BMAL1: variants seen among roughly 807,000 people sequenced by gnomAD.
BMAL1 encodes basic helix-loop-helix ARNT like 1.
the BMAL1 span, among the ~76,000 whole-genome samples, chr11:13,284,200 A>G: frequency 3.0e-4 from 10 of 33,320 alleles, no homozygotes; most frequent in African/African-American, 1.0e-3. Context: ...ATATGTGTGT[A>G]TATATATATG....
chr11:13,338,639 A>G, the BMAL1 span, among the ~76,000 whole-genome samples: 1 of 152,200 alleles, frequency 6.6e-6, no homozygotes, highest in East Asian at 1.9e-4. Flanking sequence ...TGAGTCACTG[A>G]AGCAATAGAG....
At chr11:13,352,985 A>ATGC in the BMAL1 span, among the ~76,000 whole-genome samples, 6 of 152,236 alleles carry the variant, frequency 3.9e-5, no homozygotes, top group Non-Finnish European at 8.8e-5. Context: ...GGTTTGCTTA[A>ATGC]TGCTTTTAAA....
chr11:13,374,273 C>T, the BMAL1 span: 2 of 1,380,248 alleles, frequency 1.4e-6, no homozygotes, highest in East Asian at 2.3e-5. Flanking sequence ...ACATGACCTT[C>T]CAGGGAAATC....
At chr11:13,328,871 A>T in the BMAL1 span, among the ~76,000 whole-genome samples, 1 of 152,160 alleles carries the variant, frequency 6.6e-6, no homozygotes, top group Non-Finnish European at 1.5e-5. Context: ...GGCAAAACAC[A>T]CGCCCTCTCT....
chr11:13,366,536 C>T, the BMAL1 span: 1 of 813,128 alleles, frequency 1.2e-6, no homozygotes, highest in Non-Finnish European at 2.0e-6. Context: ...TACAGGTTCA[C>T]ATAGGAAAAG....
chr11:13,361,178 G>A, the BMAL1 span, among the ~76,000 whole-genome samples: 28 of 152,242 alleles, frequency 1.8e-4, no homozygotes, highest in Non-Finnish European at 2.6e-4. Context: ...GCTTTCACCT[G>A]CTTGACTTGA....
chr11:13,378,513 G>A, the BMAL1 span: 3 of 1,550,814 alleles, frequency 1.9e-6, no homozygotes, highest in Admixed American at 2.0e-5. Flanking sequence ...TTTTCCCCCA[G>A]GCAATATTTT....
At chr11:13,278,719 C>T in the BMAL1 span, among the ~76,000 whole-genome samples, 4 of 152,232 alleles carry the variant, frequency 2.6e-5, no homozygotes, top group Admixed American at 6.5e-5. Context: ...GGATGTCGCC[C>T]GGAGCCCGGG....
the BMAL1 span, among the ~76,000 whole-genome samples, chr11:13,289,693 C>G: frequency 2.0e-5 from 3 of 152,174 alleles, no homozygotes; most frequent in Non-Finnish European, 2.9e-5. Context: ...TCATCCATGT[C>G]CCTGCAAAGA....
At chr11:13,369,035 C>T in the BMAL1 span, among the ~76,000 whole-genome samples, 1 of 152,196 alleles carries the variant, frequency 6.6e-6, no homozygotes, top group Non-Finnish European at 1.5e-5. Context: ...TCAGTACCTG[C>T]ATGCAGCTAG....
the BMAL1 span, among the ~76,000 whole-genome samples, chr11:13,346,049 A>G: frequency 1.3e-5 from 2 of 152,220 alleles, no homozygotes; most frequent in East Asian, 3.8e-4. Flanking sequence ...CAACCTCAAC[A>G]TCTCAGTGGC....
the BMAL1 span, among the ~76,000 whole-genome samples, chr11:13,359,519 A>C: frequency 6.6e-6 from 1 of 152,230 alleles, no homozygotes; most frequent in Admixed American, 6.5e-5. Flanking sequence ...ATTTCTATTA[A>C]ATTGGAAAAA....
the BMAL1 span, chr11:13,378,555 A>T: frequency 1.4e-6 from 2 of 1,455,834 alleles, no homozygotes; most frequent in Admixed American, 4.4e-5. Context: ...GGTCTTCACA[A>T]CTGGGTGGGA....
At chr11:13,331,904 C>T in the BMAL1 span, among the ~76,000 whole-genome samples, 4 of 152,136 alleles carry the variant, frequency 2.6e-5, no homozygotes, top group African/African-American at 9.7e-5. Context: ...GGAGAAGTCA[C>T]CTGTTGGGAT....
the BMAL1 span, among the ~76,000 whole-genome samples, chr11:13,335,391 G>A: frequency 0.013 from 1,988 of 152,214 alleles, 26 homozygotes; most frequent in Non-Finnish European, 0.017. Flanking sequence ...GCCTCTTTTT[G>A]TCTGTAGAAA....
chr11:13,321,162 CT>C, the BMAL1 span, among the ~76,000 whole-genome samples: 11 of 152,170 alleles, frequency 7.2e-5, no homozygotes, highest in Admixed American at 7.2e-4. Flanking sequence ...TTTCTTTATA[CT>C]TTAGTAAGTC....
the BMAL1 span, among the ~76,000 whole-genome samples, chr11:13,331,567 C>A: frequency 6.6e-6 from 1 of 152,320 alleles, no homozygotes; most frequent in South Asian, 2.1e-4. Flanking sequence ...CCCTGGAGTA[C>A]CCTGCCCTTT....
chr11:13,333,466 T>C, the BMAL1 span, among the ~76,000 whole-genome samples: 1 of 152,230 alleles, frequency 6.6e-6, no homozygotes, highest in Non-Finnish European at 1.5e-5. Flanking sequence ...AGTAAAAGTT[T>C]TGAAGGTTGT....
At chr11:13,316,114 C>A in the BMAL1 span, among the ~76,000 whole-genome samples, 5 of 152,206 alleles carry the variant, frequency 3.3e-5, no homozygotes, top group Non-Finnish European at 5.9e-5. Flanking sequence ...GCAGAGCCAG[C>A]TGCCCTTCTC....
Sources: allele counts gnomAD v4.1 joint callset (sites outside exome capture counted in the v4.1 genomes callset), GRCh38; gene constraint gnomAD v4.1.1; transcripts MANE v1.5; gene names NCBI Gene and HGNC (gene_info 2026-07-23, HGNC 2026-07-21).